ARHGAP32: variants seen among roughly 807,000 people sequenced by gnomAD.
ARHGAP32 encodes rho GTPase-activating protein 32.
A neutral mutation model predicts 186.5 loss-of-function variants in ARHGAP32; 51 were observed. That is an observed-to-expected ratio of 0.27 (90% CI 0.22 to 0.35). The LOEUF is 0.35. Ranked by LOEUF, ARHGAP32 falls within the 10% of genes least tolerant of loss-of-function variation. The pLI, the probability that ARHGAP32 is intolerant of heterozygous loss-of-function variation, is 1.00. For synonymous variants in ARHGAP32, 950 were observed against 964.3 expected, an observed-to-expected ratio of 0.99 and a Z score of 0.27; for missense variants, 2,186 against 2,623.5, an observed-to-expected ratio of 0.83 and a Z score of 3.64.
Position 128,972,752 on chromosome 11 carries a change from G to A in ARHGAP32, c.3754C>T (p.Pro1252Ser), listed in dbSNP as rs1449424968. The change falls in exon 22 of 23, where the codon CCT (proline) becomes TCT (serine). Residue 1252 changes from proline to serine, a missense_variant. By Grantham distance (74) the Pro-to-Ser change is moderately conservative. Transcript: ENST00000682385. ...TAGATTTTATCGCTAGGTAAATTAG[G>A]AGGTGTGGGAGATTTGTCTGCAAAT... Reference protein sequence around the residue: ...LEFADKSPTPPNLPSDKIYPP... With the variant: ...LEFADKSPTPSNLPSDKIYPP... 1 of 1,614,006 alleles carries A rather than the reference G, an allele frequency of 6.2e-7. No homozygotes were observed. The highest frequency in any genetic ancestry group is 8.5e-7 in the Non-Finnish European group (1 of 1,180,002).
intron 5 of ARHGAP32, among the ~76,000 whole-genome samples, chr11:129,101,908 A>G (rs965555724): frequency 1.3e-5 from 2 of 152,222 alleles, no homozygotes; most frequent in African/African-American, 4.8e-5. Context: ...TAATTGTCAG[A>G]TTCTCCAAGG....
At chr11:128,986,136 G>T in intron 14 of ARHGAP32, 51 bp from the exon 15 acceptor site, 1 of 1,391,298 alleles carries the variant, frequency 7.2e-7, no homozygotes, top group Non-Finnish European at 9.9e-7. Context: ...TAGTAAAAAT[G>T]AAAGTTCACT....
chr11:129,015,003 G>T (rs754643837), intron 11 of ARHGAP32, among the ~76,000 whole-genome samples: 1 of 152,102 alleles, frequency 6.6e-6, no homozygotes, highest in South Asian at 2.1e-4. Context: ...ATCTATTCAC[G>T]CTAATGAATA....
At chr11:129,056,175 C>T (rs935867464) in intron 10 of ARHGAP32, among the ~76,000 whole-genome samples, 1 of 152,052 alleles carries the variant, frequency 6.6e-6, no homozygotes, top group South Asian at 2.1e-4. Flanking sequence ...ATGTGAATGA[C>T]GGGAAGGTAT....
chr11:129,096,796 T>C (rs1481252188), intron 5 of ARHGAP32, among the ~76,000 whole-genome samples: 1 of 152,200 alleles, frequency 6.6e-6, no homozygotes, highest in Non-Finnish European at 1.5e-5. Context: ...AACGCCCTTT[T>C]CCTTCCCTGT....
chr11:129,118,431 T>C (rs1219865812), intron 5 of ARHGAP32, among the ~76,000 whole-genome samples: 1 of 152,014 alleles, frequency 6.6e-6, no homozygotes, highest in Non-Finnish European at 1.5e-5. Flanking sequence ...ATTTGGTTGA[T>C]CAGTAAAACC....
At chr11:129,144,457 G>A (rs1489026807) in intron 2 of ARHGAP32, among the ~76,000 whole-genome samples, 1 of 152,088 alleles carries the variant, frequency 6.6e-6, no homozygotes, top group Admixed American at 6.5e-5. Context: ...TCACATATAA[G>A]AAAACTCAAG....
chr11:129,089,671 G>A (rs1335245956), intron 6 of ARHGAP32, among the ~76,000 whole-genome samples: 1 of 152,174 alleles, frequency 6.6e-6, no homozygotes, highest in Non-Finnish European at 1.5e-5. Flanking sequence ...CATGCAGTGG[G>A]AATCTATCCA....
intron 12 of ARHGAP32, chr11:128,993,187 T>C (rs892612762): frequency 6.6e-6 from 1 of 152,220 alleles, no homozygotes; most frequent in African/African-American, 2.4e-5. Context: ...CACTAGGAAA[T>C]ATTCAGAGAA....
chr11:128,979,927 A>T (rs1945660198), intron 18 of ARHGAP32, among the ~76,000 whole-genome samples: 1 of 152,210 alleles, frequency 6.6e-6, no homozygotes, highest in Admixed American at 6.5e-5. Context: ...GCTGGAAGGG[A>T]CATTGAAAGA....
intron 11 of ARHGAP32, among the ~76,000 whole-genome samples, chr11:129,026,799 T>TC (rs1938870751): frequency 3.7e-5 from 1 of 26,838 alleles, no homozygotes; most frequent in Non-Finnish European, 6.9e-5. Context: ...GACTCCATCT[T>TC]GGAAAAAAAA....
At chr11:129,271,111 T>C (rs532977260) in intron 1 of ARHGAP32, among the ~76,000 whole-genome samples, 1 of 152,324 alleles carries the variant, frequency 6.6e-6, no homozygotes, top group East Asian at 1.9e-4. Context: ...TTAAGTATAT[T>C]GGAAAGCCAG....
intron 6 of ARHGAP32, among the ~76,000 whole-genome samples, chr11:129,078,943 G>T (rs1941136907): frequency 6.6e-6 from 1 of 151,520 alleles, no homozygotes. Context: ...GGAAGTGAAA[G>T]ACACACTTAG....
Position 129,189,197 on chromosome 11 carries a change from T to C in ARHGAP32, c.116+2886A>G, listed in dbSNP as rs970922859. ...GCAGAAAATAGCATTTAGCAGAAGATAGCCCCAAAAATCTTTCATTAAAGT... is the reference window on the plus strand; with the variant it reads ...GCAGAAAATAGCATTTAGCAGAAGACAGCCCCAAAAATCTTTCATTAAAGT... On this transcript the variant is annotated intron_variant, in intron 1 of 22. Coordinates refer to ENST00000682385, the MANE Select transcript of ARHGAP32 (RefSeq NM_001378024.1). Among the ~76,000 whole-genome samples the C allele has an allele frequency of 1.1e-4, 16 of 152,336 alleles. No homozygotes were observed. The East Asian group carries it at 2.7e-3, about 26-fold the overall frequency.
intron 1 of ARHGAP32, among the ~76,000 whole-genome samples, chr11:129,215,687 C>T (rs1944636389): frequency 2.0e-5 from 3 of 152,270 alleles, no homozygotes; most frequent in South Asian, 4.1e-4. Flanking sequence ...TCTGAGAATC[C>T]GTGTGATTAC....
chr11:129,022,591 C>A (rs937812079), intron 11 of ARHGAP32, among the ~76,000 whole-genome samples: 4 of 152,166 alleles, frequency 2.6e-5, no homozygotes, highest in Non-Finnish European at 5.9e-5. Flanking sequence ...ACAGCTCTCA[C>A]TAAGGTTACT....
chr11:129,159,489 CAAACTAGGAAGACACCTTCCT>C (rs1283693969), intron 2 of ARHGAP32, among the ~76,000 whole-genome samples: 1 of 151,952 alleles, frequency 6.6e-6, no homozygotes, highest in Admixed American at 6.6e-5. Context: ...TACACCTTCC[CAAACTAGGAAGACACCTTCCT>C]AAACTAGGAA....
At chr11:128,992,388 AAAAATC>A (rs1331609538) in intron 12 of ARHGAP32, among the ~76,000 whole-genome samples, 1 of 152,144 alleles carries the variant, frequency 6.6e-6, no homozygotes, top group Non-Finnish European at 1.5e-5. Flanking sequence ...CTCTTATGAA[AAAAATC>A]AATGATACCA....
chr11:129,123,468 T>C lies in ARHGAP32; in HGVS notation c.422A>G (p.Asn141Ser). ...TACCTGTATGCTGCCGAACTCAACA[T>C]TCTCATAATGGAAATGCGCACATTC... is the stretch of plus-strand genomic sequence containing the variant. ...MAECAHFHYE[N>S]VEFGSIQLSL... Residue 141 changes from asparagine to serine, a missense_variant, in exon 5 of 23, where the codon AAT (asparagine) becomes AGT (serine). Transcript: ENST00000682385. This position sits in a 1 kb window ranked among gnomAD's most constrained non-coding sequence, Gnocchi z 4.6. 6.2e-7 allele frequency: 1 copy of C among 1,612,854 alleles called. No homozygotes were observed. Among genetic ancestry groups the C allele is most frequent in the South Asian group, 1.1e-5 (1 of 91,008 alleles).
Sources: gnomAD v4.1 joint callset for allele counts (sites outside exome capture counted in the v4.1 genomes callset) on GRCh38, gnomAD v4.1.1 for gene constraint, Gnocchi (gnomAD v3.1) non-coding constraint, MANE v1.5 for transcripts, NCBI Gene and HGNC (gene_info 2026-07-23, HGNC 2026-07-21) for gene names.